The following ADA variants were observed in gnomAD, a reference collection of about 807,000 sequenced individuals.
ADA encodes the protein adenosine aminohydrolase.
ADA carries 45 observed loss-of-function variants against 49.0 expected under a neutral mutation model. The ratio of observed to expected loss-of-function variants is 0.92; its 90% confidence interval spans 0.72 to 1.18. ADA has a LOEUF of 1.18. Ranked by LOEUF, ADA falls within the 50% of genes most tolerant of loss-of-function variation. The probability of loss-of-function intolerance (pLI) is 0.00; values close to 1 mark genes in which losing one functional copy is unlikely to be tolerated. For synonymous variants in ADA, 173 were observed against 184.2 expected, an observed-to-expected ratio of 0.94 and a Z score of 0.49; for missense variants, 445 against 472.5, an observed-to-expected ratio of 0.94 and a Z score of 0.54.
intron 2 of ADA, among the ~76,000 whole-genome samples, chr20:44,633,964 T>C (rs2065456310): frequency 6.6e-6 from 1 of 152,214 alleles, no homozygotes; most frequent in Non-Finnish European, 1.5e-5. Context: ...TATCTGAGTG[T>C]GACAAACTCC....
At chr20:44,638,379 C>T (rs1413547571) in intron 1 of ADA, among the ~76,000 whole-genome samples, 2 of 152,158 alleles carry the variant, frequency 1.3e-5, no homozygotes, top group African/African-American at 2.4e-5. Context: ...AGTTTGAGAC[C>T]AGCCTGGCCA....
intron 1 of ADA, among the ~76,000 whole-genome samples, chr20:44,638,084 C>A (rs184111352): frequency 6.6e-6 from 1 of 152,260 alleles, no homozygotes; most frequent in East Asian, 1.9e-4. Flanking sequence ...GAGCATCATG[C>A]GGTTAGAGCT....
chr20:44,629,276 C>A, intron 2 of ADA, 107 bp from the exon 3 acceptor site: 1 of 1,503,566 alleles, frequency 6.7e-7, no homozygotes. Flanking sequence ...TGCAGGACCA[C>A]AGCAGGAGAC....
At chr20:44,641,778 T>G (rs183788081) in intron 1 of ADA, among the ~76,000 whole-genome samples, 9 of 151,820 alleles carry the variant, frequency 5.9e-5, no homozygotes, top group South Asian at 2.1e-4. Context: ...TGTTGTTTTT[T>G]TTTTTTTGAG....
intron 1 of ADA, among the ~76,000 whole-genome samples, chr20:44,643,822 C>T (rs990488873): frequency 7.9e-5 from 12 of 152,182 alleles, no homozygotes; most frequent in Non-Finnish European, 1.6e-4. Flanking sequence ...CAGGAAGCAT[C>T]CTCAGTTACC....
chr20:44,634,789 C>A (rs2065464898), intron 2 of ADA, among the ~76,000 whole-genome samples: 1 of 152,244 alleles, frequency 6.6e-6, no homozygotes, highest in South Asian at 2.1e-4. Context: ...GAGTTGGGGG[C>A]AACCCCCCGG....
At chr20:44,645,970 AC>A (rs1200125792) in intron 1 of ADA, among the ~76,000 whole-genome samples, 1 of 151,952 alleles carries the variant, frequency 6.6e-6, no homozygotes, top group African/African-American at 2.4e-5. Context: ...GGGCAAGCCT[AC>A]CCCCAACACC....
chr20:44,651,186 T>C lies in ADA; in HGVS notation c.33+389A>G, dbSNP rs527468905. Among the ~76,000 whole-genome samples, 7 of 152,252 alleles carry C rather than the reference T, an allele frequency of 4.6e-5. No homozygotes were observed. The South Asian group carries it at 1.2e-3, about 27-fold the overall frequency. On this transcript the variant is annotated intron_variant, in intron 1 of 11. Transcript: ENST00000372874. ...CTGCTTCCATTCACTGAGCACTCAG[T>C]AGGCGCCGGGCACAGCACTAGGTGC...
chr20:44,628,941 G>A, intron 3 of ADA, 106 bp downstream of exon 3: 1 of 1,542,548 alleles, frequency 6.5e-7, no homozygotes, highest in Non-Finnish European at 8.9e-7. Context: ...AAAGACAGCT[G>A]TGGTTTCAGA....
chr20:44,632,492 A>C (rs1380007951), intron 2 of ADA, among the ~76,000 whole-genome samples: 1 of 152,200 alleles, frequency 6.6e-6, no homozygotes, highest in Admixed American at 6.5e-5. Context: ...GGGGCCCGAC[A>C]GGAGACAAAG....
chr20:44,631,323 A>T (rs990765970), intron 2 of ADA, among the ~76,000 whole-genome samples: 13 of 152,168 alleles, frequency 8.5e-5, no homozygotes, highest in Non-Finnish European at 1.9e-4. Flanking sequence ...CCTGCAGGGG[A>T]ACGGTGCCCT....
chr20:44,624,724 A>C (rs1246943461), intron 5 of ADA, among the ~76,000 whole-genome samples: 1 of 152,264 alleles, frequency 6.6e-6, no homozygotes, highest in African/African-American at 2.4e-5. Flanking sequence ...TTAACACGTC[A>C]TCTAAAATAG....
intron 2 of ADA, 79 bp from the exon 3 acceptor site, chr20:44,629,248 C>T: frequency 6.3e-7 from 1 of 1,598,106 alleles, no homozygotes; most frequent in Non-Finnish European, 8.6e-7. Context: ...GGAGCAGACT[C>T]AGGAGCGCCA....
At position 44,651,538 on chromosome 20, in the gene ADA, C is replaced by T. The variant is rs965520625; in HGVS notation, c.33+37G>A. 2.0e-6 allele frequency: 3 copies of T among 1,526,822 alleles called. No individual in the cohort carries two copies. In the Admixed American group the frequency reaches 5.9e-5, roughly 30 times the overall value. 94.6% of individuals were successfully genotyped at this position (1,526,822 alleles called of 1,614,324 possible). Reference sequence around the variant, plus strand: ...CTAAGCCCCTCGGGCCGCCCAGGCGCCGGACCCCCGTCCCCGGAGCCCCCG... The same window carrying T: ...CTAAGCCCCTCGGGCCGCCCAGGCGTCGGACCCCCGTCCCCGGAGCCCCCG... On this transcript the variant is annotated intron_variant, in intron 1 of 11. Coordinates refer to ENST00000372874, the MANE Select transcript of ADA (RefSeq NM_000022.4).
intron 1 of ADA, among the ~76,000 whole-genome samples, chr20:44,647,639 C>T (rs1439780595): frequency 6.6e-6 from 1 of 151,966 alleles, no homozygotes; most frequent in Non-Finnish European, 1.5e-5. Context: ...AGTTACTAGC[C>T]GGGCACAGTG....
intron 1 of ADA, among the ~76,000 whole-genome samples, chr20:44,642,298 G>A (rs965617304): frequency 1.7e-4 from 26 of 152,176 alleles, no homozygotes; most frequent in African/African-American, 6.0e-4. Flanking sequence ...AGCAGCACAA[G>A]GTAGCCTCTC....
intron 1 of ADA, among the ~76,000 whole-genome samples, chr20:44,640,749 G>C (rs2065524917): frequency 6.6e-6 from 1 of 151,860 alleles, no homozygotes; most frequent in Non-Finnish European, 1.5e-5. Flanking sequence ...GGATTATCTG[G>C]TTGGGCCCTA....
intron 2 of ADA, among the ~76,000 whole-genome samples, chr20:44,634,757 G>T (rs924626240): frequency 6.6e-6 from 1 of 152,258 alleles, no homozygotes; most frequent in African/African-American, 2.4e-5. Context: ...ATCTCTCAGG[G>T]AGTTGGTGGA....
chr20:44,623,072 C>A lies in ADA; in HGVS notation c.613G>T (p.Val205Leu). ...ACAGTACGGTGAATGCCGCTCTTCA[C>A]AGCCTCCTGGAAGGGGGAGAGCCAG... ...PGHVQAYQEAVKSGIHRTVHA... is the reference protein window; with the variant it reads ...PGHVQAYQEALKSGIHRTVHA... The change falls in exon 7 of 12, where the codon GTG becomes TTG. Residue 205 changes from valine (V) to leucine (L), a missense_variant. Transcript: ENST00000372874. The A allele has an allele frequency of 1.2e-6, 2 of 1,614,040 alleles. No homozygotes were observed. The highest frequency in any genetic ancestry group is 2.2e-5 in the South Asian group (2 of 91,080).
Sources: allele counts gnomAD v4.1 joint callset (sites outside exome capture counted in the v4.1 genomes callset), GRCh38; gene constraint gnomAD v4.1.1; transcripts MANE v1.5; gene names NCBI Gene and HGNC (gene_info 2026-07-23, HGNC 2026-07-21).